The following SHISAL1 variants were observed in gnomAD, a reference collection of about 807,000 sequenced individuals.
SHISAL1 encodes protein shisa-like-1.
SHISAL1 carries 9 observed loss-of-function variants against 22.6 expected under a neutral mutation model. The observed-to-expected ratio is 0.40, with a 90% CI of 0.24 to 0.70. SHISAL1 has a LOEUF of 0.70. Ranked by LOEUF, SHISAL1 falls within the 30% of genes least tolerant of loss-of-function variation. The pLI is 0.39. For synonymous variants in SHISAL1, 119 were observed against 115.4 expected (o/e 1.03, Z -0.20); for missense variants, 246 against 270.6 (o/e 0.91, Z 0.64).
chr22:44,303,345 G>A (rs1410024830), intron 1 of SHISAL1, among the ~76,000 whole-genome samples: 1 of 152,088 alleles, frequency 6.6e-6, no homozygotes, highest in East Asian at 1.9e-4. Flanking sequence ...CATCACGGAG[G>A]TCATTAGTTA....
chr22:44,245,385 G>GCTCACTGCAAGCTCTGCC lies in SHISAL1; in HGVS notation c.*4282_*4299dup, dbSNP rs1170124704. On this transcript the variant is annotated 3_prime_UTR_variant, in exon 5 of 5. Coordinates refer to ENST00000381176, the MANE Select transcript of SHISAL1 (RefSeq NM_001099294.2). Reference sequence around the variant, plus strand: ...GCTGGAGTGCACTGGTGCGATCTCAGCTCACTGCAAGCTCTGCCTTCTGGG... The same window carrying GCTCACTGCAAGCTCTGCC: ...GCTGGAGTGCACTGGTGCGATCTCAGCTCACTGCAAGCTCTGCCCTCACTGCAAGCTCTGCCTTCTGGG... 6.6e-6 allele frequency: 1 copy of GCTCACTGCAAGCTCTGCC among 152,290 alleles called. No individual in the cohort carries two copies. The highest frequency in any genetic ancestry group is 6.5e-5 in the Admixed American group (1 of 15,282). The allele number at this position is 152,290 out of a possible 1,614,324, so 9.4% of individuals were successfully genotyped here.
intron 4 of SHISAL1, among the ~76,000 whole-genome samples, chr22:44,271,218 GCA>G (rs1446054036): frequency 2.0e-5 from 3 of 152,146 alleles, no homozygotes; most frequent in African/African-American, 7.2e-5. Flanking sequence ...CAGCTGGGCA[GCA>G]CAGAGTCCAG....
At chr22:44,314,999 G>A (rs558271850), upstream of SHISAL1, among the ~76,000 whole-genome samples, 2 of 152,310 alleles carry the variant, frequency 1.3e-5, no homozygotes, top group South Asian at 2.1e-4. Context: ...TTTTGAGAGT[G>A]CATCTGGCTA....
chr22:44,270,861 C>T (rs775084436), intron 4 of SHISAL1, among the ~76,000 whole-genome samples: 1 of 152,186 alleles, frequency 6.6e-6, no homozygotes, highest in African/African-American at 2.4e-5. Context: ...TCCTGGGATA[C>T]AACGAGCCCA....
rs1176302707 is a variant in SHISAL1 at position 44,247,113 on chromosome 22, A to T, written c.*2572T>A. The T allele has an allele frequency of 6.6e-6, 1 of 152,512 alleles. No individual in the cohort carries two copies. Among genetic ancestry groups the T allele is most frequent in the Admixed American group, 6.5e-5 (1 of 15,278 alleles). The allele number at this position is 152,512 out of a possible 1,614,324, so 9.4% of individuals were successfully genotyped here. ...GCTGTCTATTTGGCAGTGACCTTTG[A>T]CCCCAGGTGTCCAGGAGAGGGAGGC... On this transcript the variant is annotated 3_prime_UTR_variant, in exon 5 of 5. Transcript: ENST00000381176.
chr22:44,266,472 CTG>C (rs10594044), intron 4 of SHISAL1, among the ~76,000 whole-genome samples: 1 of 98,252 alleles, frequency 1.0e-5, no homozygotes, highest in African/African-American at 4.8e-5. Context: ...GTGTGTTGGG[CTG>C]TGTGTGTGTC....
Position 44,310,946 on chromosome 22 carries a change from C to T in SHISAL1, c.-33+1805G>A, listed in dbSNP as rs182106987. On this transcript the variant is annotated intron_variant, in intron 1 of 4. Transcript: ENST00000381176. The surrounding 1 kb of genome is among the most constrained non-coding windows in gnomAD (Gnocchi z 4.0). ...ATGTCTGCCGGCCATAGAGTAGGAA[C>T]TCCATTAGCACTCGTTGGCCTGGTT... is the stretch of plus-strand genomic sequence containing the variant. Among the ~76,000 whole-genome samples, 2 of 152,242 alleles carry T rather than the reference C, an allele frequency of 1.3e-5. No individual in the cohort carries two copies. The highest frequency in any genetic ancestry group is 2.4e-5 in the African/African-American group (1 of 41,542).
At chr22:44,326,197 G>A in the SHISAL1 span, among the ~76,000 whole-genome samples, 1 of 152,196 alleles carries the variant, frequency 6.6e-6, no homozygotes, top group South Asian at 2.1e-4. Context: ...TCCGTGACAA[G>A]CTCCGGGAGC....
rs1306249743 is a variant in SHISAL1 at position 44,265,547 on chromosome 22, CT to C, written c.*-15863del. ...CCTGAGAGACCCCCAAGCCAGGAGACTCCAAGCCAGGAGACCTAGTGAAGCC... is the reference window on the plus strand; with the variant it reads ...CCTGAGAGACCCCCAAGCCAGGAGACCCAAGCCAGGAGACCTAGTGAAGCC... On this transcript the variant is annotated intron_variant, in intron 4 of 4. Coordinates refer to ENST00000381176, the MANE Select transcript of SHISAL1 (RefSeq NM_001099294.2). 7.0e-4 allele frequency among the ~76,000 whole-genome samples: 106 copies of C among 152,204 alleles called. 1 individual carries two copies. The Middle Eastern group carries it at 0.01, about 15-fold the overall frequency.
In SHISAL1 at chr22:44,296,877, C is replaced by T. The variant is rs1469992357; in HGVS notation, c.76G>A (p.Ala26Thr). Residue 26 changes from alanine (A) to threonine (T), a missense_variant, in exon 3 of 5, where the codon GCA becomes ACA. Physicochemically the swap from Ala to Thr is moderately conservative, Grantham distance 58. This residue lies in a region of SHISAL1 where 110 missense variants were observed against 153.1 expected (regional missense o/e 0.72). Transcript: ENST00000381176. Reference sequence around the variant, plus strand: ...TATGGTTCACAGACCCGGAAATGTGCAGACAAGACTGGAAGACAGAGTCAC... The same window carrying T: ...TATGGTTCACAGACCCGGAAATGTGTAGACAAGACTGGAAGACAGAGTCAC... Reference protein sequence around the residue: ...FSLLFSAVLSAHFRVCEPYTD... With the variant: ...FSLLFSAVLSTHFRVCEPYTD... The T allele has an allele frequency of 1.2e-6, 2 of 1,611,616 alleles. No homozygotes were observed. The highest frequency in any genetic ancestry group is 3.3e-5 in the Admixed American group (2 of 59,986).
At chr22:44,315,829 T>A (rs2055554898), upstream of SHISAL1, among the ~76,000 whole-genome samples, 1 of 152,088 alleles carries the variant, frequency 6.6e-6, no homozygotes, top group Non-Finnish European at 1.5e-5. Context: ...CCTGAGCCAC[T>A]GCTGGGGAGT....
At chr22:44,289,356 T>C (rs547925063) in intron 3 of SHISAL1, among the ~76,000 whole-genome samples, 2 of 152,358 alleles carry the variant, frequency 1.3e-5, no homozygotes, top group South Asian at 4.1e-4. Flanking sequence ...AGGGGTCCCC[T>C]GTACCTGCGT....
chr22:44,249,902 T>C (rs1217285997), intron 4 of SHISAL1, among the ~76,000 whole-genome samples: 2 of 152,058 alleles, frequency 1.3e-5, no homozygotes, highest in African/African-American at 2.4e-5. Flanking sequence ...GCCCATGCAA[T>C]AAGACAAGAA....
chr22:44,276,145 A>C (rs897265979), intron 4 of SHISAL1, among the ~76,000 whole-genome samples: 5 of 152,182 alleles, frequency 3.3e-5, no homozygotes, highest in Admixed American at 2.0e-4. Flanking sequence ...GGACAAAGTG[A>C]CGGGGGGAGG....
intron 4 of SHISAL1, among the ~76,000 whole-genome samples, chr22:44,273,144 C>G (rs2147281847): frequency 6.6e-6 from 1 of 152,048 alleles, no homozygotes; most frequent in South Asian, 2.1e-4. Flanking sequence ...GTAAAGTTCA[C>G]AGATCAATGG....
chr22:44,288,587 G>A (rs1244656180), intron 3 of SHISAL1, among the ~76,000 whole-genome samples: 1 of 152,238 alleles, frequency 6.6e-6, no homozygotes, highest in Admixed American at 6.5e-5. Flanking sequence ...CTTGCAGTAA[G>A]CTGAGATTGC....
chr22:44,316,182 C>A (rs1029314688), upstream of SHISAL1, among the ~76,000 whole-genome samples: 14 of 152,120 alleles, frequency 9.2e-5, no homozygotes, highest in Admixed American at 3.3e-4. Flanking sequence ...CCAGTTGGGA[C>A]GTGGTGCACC....
the SHISAL1 span, among the ~76,000 whole-genome samples, chr22:44,322,810 C>T: frequency 6.6e-6 from 1 of 152,244 alleles, no homozygotes; most frequent in East Asian, 1.9e-4. Context: ...CAACGCATCC[C>T]ACCTTGTCGC....
chr22:44,330,092 C>G, the SHISAL1 span, among the ~76,000 whole-genome samples: 1 of 152,352 alleles, frequency 6.6e-6, no homozygotes, highest in East Asian at 1.9e-4. Context: ...TTAGACAATG[C>G]CCAGAGCAGG....
Sources: gnomAD v4.1 joint callset for allele counts (sites outside exome capture counted in the v4.1 genomes callset) on GRCh38, gnomAD v4.1.1 for gene constraint, gnomAD v4.1.1 regional missense constraint, Gnocchi (gnomAD v3.1) non-coding constraint, MANE v1.5 for transcripts, NCBI Gene and HGNC (gene_info 2026-07-23, HGNC 2026-07-21) for gene names.